NKAIN3: variants seen among roughly 807,000 people sequenced by gnomAD.
NKAIN3 encodes sodium/potassium-transporting ATPase subunit beta-1-interacting protein 3.
In NKAIN3, 25 loss-of-function variants were observed where a neutral mutation model predicts 30.2. That is an observed-to-expected ratio of 0.83 (90% CI 0.60 to 1.16). The LOEUF is 1.16. Among genes scored for constraint, NKAIN3 ranks in the 50% most tolerant of loss-of-function variants. The pLI is 0.00. For missense variants in NKAIN3, 225 were observed against 254.1 expected, an observed-to-expected ratio of 0.89 and a Z score of 0.78; for synonymous variants, 91 against 89.6, an observed-to-expected ratio of 1.02 and a Z score of -0.09.
chr8:62,643,632 G>C (rs981929689), intron 3 of NKAIN3, among the ~76,000 whole-genome samples: 11 of 152,058 alleles, frequency 7.2e-5, no homozygotes, highest in Non-Finnish European at 1.2e-4. Flanking sequence ...CAGAACATAG[G>C]GGGCAATAGG....
At chr8:62,373,931 G>A (rs1816985262) in intron 1 of NKAIN3, among the ~76,000 whole-genome samples, 1 of 151,802 alleles carries the variant, frequency 6.6e-6, no homozygotes, top group Non-Finnish European at 1.5e-5. Context: ...TGGGCAACAT[G>A]GTGAAACCCC....
intron 1 of NKAIN3, among the ~76,000 whole-genome samples, chr8:62,402,739 C>T (rs1803921775): frequency 6.6e-6 from 1 of 152,150 alleles, no homozygotes; most frequent in Non-Finnish European, 1.5e-5. Flanking sequence ...TTGTAAATTA[C>T]CCAATCTTGA....
At chr8:62,307,127 G>C (rs1164084004) in intron 1 of NKAIN3, among the ~76,000 whole-genome samples, 1 of 149,874 alleles carries the variant, frequency 6.7e-6, no homozygotes, top group African/African-American at 2.5e-5. Flanking sequence ...TGCACCCCAT[G>C]AGTCCTTGGG....
chr8:62,549,957 G>C (rs1446938068), intron 1 of NKAIN3, among the ~76,000 whole-genome samples: 1 of 148,174 alleles, frequency 6.7e-6, no homozygotes, highest in Admixed American at 6.9e-5. Context: ...ACTGGACATG[G>C]GTAGCTATTT....
At chr8:62,365,727 A>G (rs546257693) in intron 1 of NKAIN3, among the ~76,000 whole-genome samples, 1 of 152,210 alleles carries the variant, frequency 6.6e-6, no homozygotes, top group Admixed American at 6.5e-5. Flanking sequence ...CCTCCAGGAC[A>G]TAGACTGCAT....
At chr8:62,282,363 G>T (rs1813231481) in intron 1 of NKAIN3, among the ~76,000 whole-genome samples, 1 of 152,276 alleles carries the variant, frequency 6.6e-6, no homozygotes, top group South Asian at 2.1e-4. Context: ...TCCCGGGATG[G>T]CGAATGTAGT....
At chr8:62,887,568 ATT>A (rs1190759118) in intron 4 of NKAIN3, among the ~76,000 whole-genome samples, 1 of 151,706 alleles carries the variant, frequency 6.6e-6, no homozygotes, top group Non-Finnish European at 1.5e-5. Flanking sequence ...AATAACTGTT[ATT>A]GTTTCTTAGT....
chr8:62,728,362 A>G (rs1382822998), intron 3 of NKAIN3, among the ~76,000 whole-genome samples: 1 of 152,224 alleles, frequency 6.6e-6, no homozygotes, highest in African/African-American at 2.4e-5. Context: ...CCGGACTTCA[A>G]TTAAATTAAA....
intron 1 of NKAIN3, among the ~76,000 whole-genome samples, chr8:62,435,531 A>T (rs940228244): frequency 6.6e-6 from 1 of 152,192 alleles, no homozygotes; most frequent in Non-Finnish European, 1.5e-5. Flanking sequence ...ATCCTTTGCC[A>T]TATCTTTACA....
At chr8:62,256,672 G>A (rs1812271421) in intron 1 of NKAIN3, among the ~76,000 whole-genome samples, 5 of 152,178 alleles carry the variant, frequency 3.3e-5, no homozygotes, top group Admixed American at 2.6e-4. Flanking sequence ...GCTGGGTCAG[G>A]TTCAGAGCCT....
chr8:62,927,009 A>C (rs1222919509), intron 5 of NKAIN3, among the ~76,000 whole-genome samples: 6 of 152,132 alleles, frequency 3.9e-5, no homozygotes, highest in African/African-American at 1.4e-4. Flanking sequence ...AAACAAAGTC[A>C]CATCAACCAG....
At chr8:62,690,988 G>T (rs1474370990) in intron 3 of NKAIN3, among the ~76,000 whole-genome samples, 4 of 152,126 alleles carry the variant, frequency 2.6e-5, no homozygotes, top group East Asian at 1.9e-4. Context: ...ACAACGATTT[G>T]TTCCCCTAAT....
At position 62,972,982 on chromosome 8, in the gene NKAIN3, T is replaced by C. The variant is rs981886584; in HGVS notation, c.*7575T>C. On this transcript the variant is annotated 3_prime_UTR_variant, in exon 7 of 7. Transcript: ENST00000623646. ...GAATGATGGTTTCCAGCTTCATCCA[T>C]GTCCCTGCAAAGGACATTAACTCAT... Among the ~76,000 whole-genome samples, 6 of 152,054 alleles carry C rather than the reference T, an allele frequency of 3.9e-5. No homozygotes were observed. Among genetic ancestry groups the C allele is most frequent in the Non-Finnish European group, 7.4e-5 (5 of 68,022 alleles).
chr8:62,885,567 T>A (rs1248548645), intron 4 of NKAIN3, among the ~76,000 whole-genome samples: 1 of 152,248 alleles, frequency 6.6e-6, no homozygotes, highest in Non-Finnish European at 1.5e-5. Context: ...TGTCCATTTC[T>A]GAACAGGGAC....
chr8:62,962,476 G>A (rs1238546346), intron 6 of NKAIN3, among the ~76,000 whole-genome samples: 2 of 152,156 alleles, frequency 1.3e-5, no homozygotes, highest in Non-Finnish European at 2.9e-5. Flanking sequence ...TAATGAATAG[G>A]TAAAAAGAAG....
chr8:62,575,353 G>C (rs570349937), intron 1 of NKAIN3, among the ~76,000 whole-genome samples: 10 of 152,076 alleles, frequency 6.6e-5, no homozygotes, highest in African/African-American at 2.4e-4. Context: ...AACCCAGAAA[G>C]TAATCCCATT....
chr8:62,403,994 C>G (rs948947532), intron 1 of NKAIN3, among the ~76,000 whole-genome samples: 1 of 152,236 alleles, frequency 6.6e-6, no homozygotes, highest in African/African-American at 2.4e-5. Flanking sequence ...CCACCTCTTG[C>G]AACAGCATGC....
At position 62,747,016 on chromosome 8, in the gene NKAIN3, C is replaced by A. The variant is rs1434898678; in HGVS notation, c.358C>A (p.Pro120Thr). ...HGPGCVRRVL[P>T]PSAHGMMDDY... ...GCCTGGTTGTGTCAGAAGAGTGCTG[C>A]CTCCCTCAGCCCATGGCATGATGGA... is the stretch of plus-strand genomic sequence containing the variant. The change falls in exon 4 of 7, where the codon CCT (proline) becomes ACT (threonine). Residue 120 changes from proline to threonine, a missense_variant. Physicochemically the swap from Pro to Thr is conservative, Grantham distance 38. Coordinates refer to ENST00000623646, the MANE Select transcript of NKAIN3 (RefSeq NM_001304533.3). The A allele has an allele frequency of 8.7e-6, 14 of 1,613,504 alleles. No homozygotes were observed. Among genetic ancestry groups the A allele is most frequent in the African/African-American group, 1.3e-5 (1 of 74,896 alleles).
rs1563427569 is a variant in NKAIN3 at position 62,500,493 on chromosome 8, G to GGAAAGAAAGAAAGAAGA, written c.55-79046_55-79045insGAAAGAAAGAAAGAAGA. On this transcript the variant is annotated intron_variant, in intron 1 of 6. Transcript: ENST00000623646. ...AGAAAGAAAGAAAGAAAGAAGAAAA[G>GGAAAGAAAGAAAGAAGA]AAAGAAAGAAAGAAGGAAAGAAAGA... Among the ~76,000 whole-genome samples, 160 of 134,010 alleles carry GGAAAGAAAGAAAGAAGA rather than the reference G, an allele frequency of 1.2e-3. 2 individuals are homozygous for GGAAAGAAAGAAAGAAGA. Among genetic ancestry groups the GGAAAGAAAGAAAGAAGA allele is most frequent in the East Asian group, 4.9e-3 (20 of 4,064 alleles). 87.9% of individuals were successfully genotyped at this position (134,010 alleles called of 152,430 possible).
Sources: allele counts gnomAD v4.1 joint callset (sites outside exome capture counted in the v4.1 genomes callset), GRCh38; gene constraint gnomAD v4.1.1; transcripts MANE v1.5; gene names NCBI Gene and HGNC (gene_info 2026-07-23, HGNC 2026-07-21).